SKAP1: variants seen among roughly 807,000 people sequenced by gnomAD.
The protein encoded by SKAP1 is src kinase-associated phosphoprotein 1.
A neutral mutation model predicts 58.5 loss-of-function variants in SKAP1; 44 were observed. The ratio of observed to expected loss-of-function variants is 0.75; its 90% CI spans 0.59 to 0.97. The LOEUF is 0.97. SKAP1 is among the 50% of genes least tolerant of loss of function. The pLI, the probability that SKAP1 is intolerant of heterozygous loss-of-function variation, is 0.00. For synonymous variants in SKAP1, 127 were observed against 149.7 expected, an observed-to-expected ratio of 0.85 and a Z score of 1.11; for missense variants, 390 against 435.2, an observed-to-expected ratio of 0.90 and a Z score of 0.92.
intron 4 of SKAP1, among the ~76,000 whole-genome samples, chr17:48,322,648 A>G (rs2066383459): frequency 6.6e-6 from 1 of 152,216 alleles, no homozygotes; most frequent in Non-Finnish European, 1.5e-5. Flanking sequence ...GGGCTTTCTC[A>G]ACTTTCTTAT....
the SKAP1 span, among the ~76,000 whole-genome samples, chr17:48,442,201 G>C: frequency 1.3e-5 from 2 of 152,170 alleles, no homozygotes; most frequent in African/African-American, 4.8e-5. Context: ...TGTGGCCATG[G>C]GGTGTGGTGG....
chr17:48,358,769 A>T (rs78596583), intron 3 of SKAP1, among the ~76,000 whole-genome samples: 3,341 of 152,274 alleles, frequency 0.022, 115 homozygotes, highest in African/African-American at 0.074. Context: ...TGTGGCAAGC[A>T]CTCCTTATGA....
intron 10 of SKAP1, among the ~76,000 whole-genome samples, chr17:48,166,291 A>G (rs1488899150): frequency 6.6e-6 from 1 of 152,228 alleles, no homozygotes; most frequent in Admixed American, 6.5e-5. Context: ...AAGTTAAAAA[A>G]AAGTATTGGT....
At chr17:48,399,337 CAGA>C (rs2067464734) in intron 1 of SKAP1, among the ~76,000 whole-genome samples, 1 of 152,154 alleles carries the variant, frequency 6.6e-6, no homozygotes, top group Non-Finnish European at 1.5e-5. Context: ...TCACTAGACA[CAGA>C]AGAAGCATTT....
At chr17:48,324,827 T>C (rs1426311303) in intron 4 of SKAP1, among the ~76,000 whole-genome samples, 4 of 152,096 alleles carry the variant, frequency 2.6e-5, no homozygotes, top group Admixed American at 6.6e-5. Flanking sequence ...ATTTCGACTA[T>C]ACCAAACTAT....
intron 4 of SKAP1, among the ~76,000 whole-genome samples, chr17:48,191,714 T>C (rs2064547687): frequency 1.3e-5 from 2 of 152,244 alleles, no homozygotes. Flanking sequence ...TAAGTGTGTC[T>C]ATGTGCCTGA....
At chr17:48,153,788 C>T (rs909230781) in intron 11 of SKAP1, among the ~76,000 whole-genome samples, 7 of 151,410 alleles carry the variant, frequency 4.6e-5, no homozygotes, top group Non-Finnish European at 1.0e-4. Context: ...CCAGATAACC[C>T]CCCACCCATC....
intron 4 of SKAP1, among the ~76,000 whole-genome samples, chr17:48,193,267 T>C (rs962311654): frequency 2.0e-5 from 3 of 152,158 alleles, no homozygotes; most frequent in African/African-American, 7.2e-5. Flanking sequence ...GGTCTTGAAC[T>C]CCTGACCCCA....
chr17:48,408,211 C>T (rs903558793), intron 1 of SKAP1, among the ~76,000 whole-genome samples: 8 of 151,838 alleles, frequency 5.3e-5, no homozygotes, highest in African/African-American at 1.7e-4. Context: ...AAACACCAGG[C>T]AAATAAATTT....
chr17:48,197,459 C>T (rs774982704), intron 4 of SKAP1, among the ~76,000 whole-genome samples: 2 of 151,976 alleles, frequency 1.3e-5, no homozygotes, highest in Non-Finnish European at 2.9e-5. Context: ...GAGGCTGAGG[C>T]AGGCAGATCA....
intron 10 of SKAP1, among the ~76,000 whole-genome samples, chr17:48,169,673 A>C (rs1598390828): frequency 2.0e-5 from 3 of 152,210 alleles, no homozygotes; most frequent in African/African-American, 7.2e-5. Flanking sequence ...TTAAGTATTC[A>C]CTTTCTGTAG....
At chr17:48,183,313 G>A (rs2064394863) in intron 7 of SKAP1, among the ~76,000 whole-genome samples, 1 of 151,996 alleles carries the variant, frequency 6.6e-6, no homozygotes, top group South Asian at 2.1e-4. Context: ...AAAGGATATT[G>A]TAGAAGAAGA....
At chr17:48,395,921 C>T (rs2067412730) in intron 2 of SKAP1, among the ~76,000 whole-genome samples, 1 of 152,126 alleles carries the variant, frequency 6.6e-6, no homozygotes, top group African/African-American at 2.4e-5. Context: ...CAAATTAAAT[C>T]CCAACCATAA....
At chr17:48,245,898 C>A (rs917143550) in intron 4 of SKAP1, among the ~76,000 whole-genome samples, 1 of 152,086 alleles carries the variant, frequency 6.6e-6, no homozygotes, top group Non-Finnish European at 1.5e-5. Flanking sequence ...TCGCTTGAAC[C>A]CAGAAGGCAG....
At chr17:48,441,424 T>C in the SKAP1 span, among the ~76,000 whole-genome samples, 1 of 152,054 alleles carries the variant, frequency 6.6e-6, no homozygotes, top group Non-Finnish European at 1.5e-5. Flanking sequence ...CTTTTGAACC[T>C]CAAACTAAAA....
chr17:48,218,185 G>T (rs2143709773), intron 4 of SKAP1, among the ~76,000 whole-genome samples: 1 of 152,334 alleles, frequency 6.6e-6, no homozygotes. Flanking sequence ...TTTGCTAACA[G>T]CTAGGATCAG....
chr17:48,195,812 A>G (rs962446827), intron 4 of SKAP1, among the ~76,000 whole-genome samples: 4 of 152,296 alleles, frequency 2.6e-5, no homozygotes, highest in Non-Finnish European at 4.4e-5. Flanking sequence ...TTGCCCTTCT[A>G]ATTTTTGAAG....
At chr17:48,141,923 A>T (rs1307498738) in intron 11 of SKAP1, among the ~76,000 whole-genome samples, 1 of 151,516 alleles carries the variant, frequency 6.6e-6, no homozygotes, top group African/African-American at 2.4e-5. Context: ...TGAGTTACTC[A>T]CTCCCTAGAA....
intron 4 of SKAP1, among the ~76,000 whole-genome samples, chr17:48,317,146 T>A (rs1258634114): frequency 6.6e-6 from 1 of 152,144 alleles, no homozygotes; most frequent in Non-Finnish European, 1.5e-5. Context: ...CTCAGACGGA[T>A]GTTCATGGGC....
Sources: allele counts gnomAD v4.1 joint callset (sites outside exome capture counted in the v4.1 genomes callset), GRCh38; gene constraint gnomAD v4.1.1; transcripts MANE v1.5; gene names NCBI Gene and HGNC (gene_info 2026-07-23, HGNC 2026-07-21).